Variants in GALNTL5 observed in about 807,000 individuals in gnomAD.
The protein encoded by GALNTL5 is polypeptide N-acetylgalactosaminyltransferase like 5.
A neutral mutation model predicts 51.0 loss-of-function variants in GALNTL5; 44 were observed. That is an observed-to-expected ratio of 0.86 (90% CI 0.68 to 1.11). GALNTL5 has a LOEUF of 1.11. Ranked by LOEUF, GALNTL5 falls within the 50% of genes least tolerant of loss-of-function variation. The pLI, the probability that GALNTL5 is intolerant of heterozygous loss-of-function variation, is 0.00. For synonymous variants in GALNTL5, 192 were observed against 182.8 expected (o/e 1.05, Z -0.41); for missense variants, 528 against 531.8 (o/e 0.99, Z 0.07).
chr7:151,987,129 T>C (rs1563013658), intron 4 of GALNTL5, 30 bp from the exon 5 acceptor site: 2 of 1,560,856 alleles, frequency 1.3e-6, no homozygotes, highest in Non-Finnish European at 1.7e-6. Flanking sequence ...TTGCCGTTTA[T>C]ACATTCTCAT....
At chr7:151,982,834 T>A (rs2081309344) in intron 3 of GALNTL5, 152 bp from the exon 4 acceptor site, 13 of 1,521,070 alleles carry the variant, frequency 8.5e-6, no homozygotes, top group Non-Finnish European at 1.1e-5. Context: ...AATTTTTGTG[T>A]TTTTAGATGT....
At chr7:151,982,447 C>T (rs2081304727) in intron 3 of GALNTL5, among the ~76,000 whole-genome samples, 1 of 152,048 alleles carries the variant, frequency 6.6e-6, no homozygotes, top group Non-Finnish European at 1.5e-5. Context: ...TGAAATAAAG[C>T]ATTTTTGTCA....
At chr7:152,009,461 C>T (rs1396069802) in intron 7 of GALNTL5, among the ~76,000 whole-genome samples, 1 of 152,170 alleles carries the variant, frequency 6.6e-6, no homozygotes, top group Non-Finnish European at 1.5e-5. Flanking sequence ...CCTTCCATTG[C>T]TCAGTTGTTC....
intron 3 of GALNTL5, among the ~76,000 whole-genome samples, chr7:151,979,878 A>C (rs2081257699): frequency 6.6e-6 from 1 of 152,152 alleles, no homozygotes; most frequent in African/African-American, 2.4e-5. Context: ...TCCTCCACCA[A>C]CATCAAACTG....
intron 5 of GALNTL5, among the ~76,000 whole-genome samples, chr7:151,987,824 G>A (rs1367973184): frequency 1.3e-5 from 2 of 152,246 alleles, no homozygotes; most frequent in Non-Finnish European, 2.9e-5. Flanking sequence ...CAAGGTGCAG[G>A]TCTCAGAAAG....
chr7:152,001,759 G>A (rs927152653), intron 5 of GALNTL5, among the ~76,000 whole-genome samples: 2 of 152,080 alleles, frequency 1.3e-5, no homozygotes, highest in Non-Finnish European at 2.9e-5. Flanking sequence ...TCTTTAAAAA[G>A]AGCCAGCTGG....
At chr7:151,959,697 T>G (rs576506024) in intron 1 of GALNTL5, among the ~76,000 whole-genome samples, 1 of 152,310 alleles carries the variant, frequency 6.6e-6, no homozygotes, top group East Asian at 1.9e-4. Context: ...GGGAACACTC[T>G]CCTTCTTCCC....
intron 5 of GALNTL5, among the ~76,000 whole-genome samples, chr7:152,000,010 T>C (rs1488731358): frequency 1.3e-5 from 2 of 152,220 alleles, no homozygotes; most frequent in Non-Finnish European, 2.9e-5. Flanking sequence ...CAAAGCCTGG[T>C]GAGAGAGACT....
At chr7:151,983,632 C>G in intron 4 of GALNTL5, among the ~76,000 whole-genome samples, 1 of 152,106 alleles carries the variant, frequency 6.6e-6, no homozygotes, top group East Asian at 1.9e-4. Flanking sequence ...GGGCCCATGG[C>G]AGAGGGGTGG....
At chr7:152,011,862 G>C (rs1400904269) in intron 7 of GALNTL5, among the ~76,000 whole-genome samples, 1 of 152,178 alleles carries the variant, frequency 6.6e-6, no homozygotes, top group Non-Finnish European at 1.5e-5. Flanking sequence ...CACAGCAGCA[G>C]TCAGCTCTTG....
At chr7:151,995,112 C>T (rs1038121799) in intron 5 of GALNTL5, 1 of 152,692 alleles carries the variant, frequency 6.5e-6, no homozygotes, top group Non-Finnish European at 1.5e-5. Context: ...TTCTCTGGGC[C>T]GGTGGTGCTG....
At chr7:151,990,302 C>T (rs2081410746) in intron 5 of GALNTL5, among the ~76,000 whole-genome samples, 2 of 152,134 alleles carry the variant, frequency 1.3e-5, no homozygotes, top group South Asian at 4.2e-4. Flanking sequence ...CCTCGGCCTC[C>T]TGAAGTGTTG....
At chr7:151,974,123 G>GTT (rs1477291113) in intron 3 of GALNTL5, among the ~76,000 whole-genome samples, 6 of 50,226 alleles carry the variant, frequency 1.2e-4, no homozygotes, top group Admixed American at 2.5e-4. Context: ...AGTCTCAGGT[G>GTT]GTATCCTTAT....
At position 152,019,820 on chromosome 7, in the gene GALNTL5, T is replaced by C; in HGVS notation, c.*19T>C. 6.3e-7 allele frequency: 1 copy of C among 1,597,230 alleles called. No individual in the cohort carries two copies. Among genetic ancestry groups the C allele is most frequent in the South Asian group, 1.1e-5 (1 of 89,076 alleles). The stretch of plus-strand genomic sequence containing the variant: ...CCTGTGAAAGGAAAACAAATCACTT[T>C]CATTAATAAAGGGTTAAAAGTCTCC... On this transcript the variant is annotated 3_prime_UTR_variant, in exon 9 of 9. Transcript: ENST00000392800.
chr7:151,998,503 G>A (rs180708122), intron 5 of GALNTL5, among the ~76,000 whole-genome samples: 5 of 152,298 alleles, frequency 3.3e-5, no homozygotes, highest in Admixed American at 6.5e-5. Flanking sequence ...TGGGCATGGT[G>A]GCTCACGCCC....
chr7:151,980,547 T>A (rs1732005794), intron 3 of GALNTL5, among the ~76,000 whole-genome samples: 1 of 151,938 alleles, frequency 6.6e-6, no homozygotes, highest in Non-Finnish European at 1.5e-5. Flanking sequence ...TTCCACTCAG[T>A]GGGCATGACT....
At chr7:151,960,263 G>GAAAATTCCTTTC (rs1410379888) in intron 1 of GALNTL5, 2 of 152,206 alleles carry the variant, frequency 1.3e-5, no homozygotes, top group Non-Finnish European at 2.9e-5. Flanking sequence ...GCACCAACCA[G>GAAAATTCCTTTC]AAAATTCCTT....
intron 1 of GALNTL5, chr7:151,957,893 G>A (rs1435894752): frequency 6.6e-6 from 1 of 152,088 alleles, no homozygotes; most frequent in African/African-American, 2.4e-5. Context: ...CTTGATAGGA[G>A]GGGTTTTCTG....
chr7:151,957,002 AG>A (rs1417177775), intron 1 of GALNTL5, among the ~76,000 whole-genome samples: 2 of 152,120 alleles, frequency 1.3e-5, no homozygotes, highest in Non-Finnish European at 2.9e-5. Flanking sequence ...TAGGAAAGCT[AG>A]GGGTTAAAAA....
Sources: allele counts gnomAD v4.1 joint callset (sites outside exome capture counted in the v4.1 genomes callset), GRCh38; gene constraint gnomAD v4.1.1; transcripts MANE v1.5; gene names NCBI Gene and HGNC (gene_info 2026-07-23, HGNC 2026-07-21).